Variants in SEMA4F observed in about 807,000 individuals in gnomAD.
The protein encoded by SEMA4F is semaphorin-4F.
A neutral mutation model predicts 78.4 loss-of-function variants in SEMA4F; 51 were observed. The observed-to-expected ratio is 0.65, with a 90% confidence interval of 0.52 to 0.82. The LOEUF is 0.82. Ranked by LOEUF, SEMA4F falls within the 40% of genes least tolerant of loss-of-function variation. The probability of loss-of-function intolerance (pLI) is 0.00; values close to 1 mark genes in which losing one functional copy is unlikely to be tolerated. For missense variants in SEMA4F, 938 were observed against 1,014.4 expected (o/e 0.92, Z 1.02); for synonymous variants, 418 against 408.7 (o/e 1.02, Z -0.27).
At chr2:74,662,885 GC>G in intron 5 of SEMA4F, 60 bp downstream of exon 5, 4 of 1,376,580 alleles carry the variant, frequency 2.9e-6, no homozygotes, top group Non-Finnish European at 4.2e-6. Flanking sequence ...CCCCACCCTT[GC>G]TGTTAGAATT....
chr2:74,664,641 T>G (rs1319450585), intron 5 of SEMA4F, among the ~76,000 whole-genome samples: 1 of 152,234 alleles, frequency 6.6e-6, no homozygotes, highest in African/African-American at 2.4e-5. Flanking sequence ...AATGTATTGT[T>G]GTCATTTAAA....
At chr2:74,664,946 T>C (rs1684609854) in intron 5 of SEMA4F, among the ~76,000 whole-genome samples, 1 of 152,196 alleles carries the variant, frequency 6.6e-6, no homozygotes, top group Non-Finnish European at 1.5e-5. Flanking sequence ...CTGTTAATAT[T>C]TGGCATTATT....
chr2:74,703,970 G>C, the SEMA4F span, among the ~76,000 whole-genome samples: 4 of 152,158 alleles, frequency 2.6e-5, no homozygotes, highest in African/African-American at 9.7e-5. Context: ...TGGTAGCCAG[G>C]TGTAAAGTAG....
chr2:74,664,048 ACTGT>A (rs1355055639), intron 5 of SEMA4F, among the ~76,000 whole-genome samples: 1 of 152,190 alleles, frequency 6.6e-6, no homozygotes, highest in Non-Finnish European at 1.5e-5. Flanking sequence ...CTGGAGAATG[ACTGT>A]CTAATTTATT....
downstream of SEMA4F, among the ~76,000 whole-genome samples, chr2:74,688,707 GA>G (rs1278804585): frequency 6.6e-6 from 1 of 152,160 alleles, no homozygotes; most frequent in Non-Finnish European, 1.5e-5. Context: ...CCAGTTTTGG[GA>G]AATTTACTCA....
chr2:74,673,717 A>T lies in SEMA4F; in HGVS notation c.711A>T (p.Glu237Asp). ...FVAAVALSPAEWGDEDGDDEI... is the reference protein window; with the variant it reads ...FVAAVALSPADWGDEDGDDEI... ...CAGCCGTGGCCTTGAGCCCAGCCGA[A>T]TGGGGGGATGAAGATGGAGACGACG... Residue 237 changes from glutamate (E) to aspartate (D), a missense_variant, in exon 7 of 14, where the codon GAA (glutamate) becomes GAT (aspartate). Physicochemically the swap from Glu to Asp is conservative, Grantham distance 45. Transcript: ENST00000357877. 1 of 1,614,122 alleles carries T rather than the reference A, an allele frequency of 6.2e-7. No homozygotes were observed. Among genetic ancestry groups the T allele is most frequent in the Non-Finnish European group, 8.5e-7 (1 of 1,180,016 alleles).
At chr2:74,684,610 G>A (rs10178408), downstream of SEMA4F, among the ~76,000 whole-genome samples, 1,251 of 152,280 alleles carry the variant, frequency 8.2e-3, 27 homozygotes, top group African/African-American at 0.028. Flanking sequence ...AGTTCAAGCA[G>A]ATGGAGAAGG....
intron 12 of SEMA4F, 133 bp downstream of exon 12, chr2:74,676,042 C>A: frequency 1.1e-6 from 1 of 897,064 alleles, no homozygotes. Context: ...GTCTACATCA[C>A]TCGTGTGTCC....
At chr2:74,689,468 T>G in the SEMA4F span, among the ~76,000 whole-genome samples, 5 of 152,178 alleles carry the variant, frequency 3.3e-5, no homozygotes, top group Non-Finnish European at 7.3e-5. Context: ...AACTTTAAAG[T>G]GTATATATCA....
intron 5 of SEMA4F, among the ~76,000 whole-genome samples, chr2:74,664,124 A>G (rs770389477): frequency 3.9e-5 from 6 of 152,220 alleles, no homozygotes; most frequent in Non-Finnish European, 8.8e-5. Flanking sequence ...AGACCACCCA[A>G]CATGCACCTT....
chr2:74,669,362 G>A (rs770292436), intron 5 of SEMA4F, among the ~76,000 whole-genome samples: 4 of 152,016 alleles, frequency 2.6e-5, no homozygotes, highest in Non-Finnish European at 4.4e-5. Context: ...GAGGTGGGCA[G>A]ATCATGAGGT....
At chr2:74,696,710 T>C in the SEMA4F span, among the ~76,000 whole-genome samples, 1 of 151,880 alleles carries the variant, frequency 6.6e-6, no homozygotes, top group Non-Finnish European at 1.5e-5. Context: ...CAAAAACCTA[T>C]GGAAATAAAA....
Position 74,674,531 on chromosome 2 carries a change from A to C in SEMA4F, c.856A>C (p.Arg286=), listed in dbSNP as rs752113108. 1.2e-5 allele frequency: 20 copies of C among 1,613,918 alleles called. No homozygotes were observed. The highest frequency in any genetic ancestry group is 2.5e-6 in the Non-Finnish European group (3 of 1,179,996). ...DLGGRKTLQQ[R]WTTFLKADLL... ...CGGGGGCCGGAAGACCCTCCAGCAG[A>C]GATGGACGACGTTTTTGAAAGCTGA... The change falls in exon 8 of 14, where the codon AGA becomes CGA. Residue 286 remains arginine, a synonymous_variant. Transcript: ENST00000357877.
chr2:74,705,616 T>C, the SEMA4F span, among the ~76,000 whole-genome samples: 2 of 152,254 alleles, frequency 1.3e-5, no homozygotes, highest in African/African-American at 4.8e-5. Flanking sequence ...CAGGCTAGAG[T>C]GCAGTGGCAC....
intron 5 of SEMA4F, among the ~76,000 whole-genome samples, chr2:74,671,602 A>C (rs80270422): frequency 1.3e-5 from 2 of 152,134 alleles, no homozygotes; most frequent in Non-Finnish European, 2.9e-5. Flanking sequence ...CTTTCATGTC[A>C]TGACTTAAGC....
In SEMA4F at chr2:74,658,816, C is replaced by A. The variant is rs1167468915; in HGVS notation, c.456+865C>A. ...TGGCTTCTCTTTCTGCTCTGTAGAG[C>A]AATAGGAGGGAGTATAACTGCTCCC... On this transcript the variant is annotated intron_variant, in intron 4 of 13. Coordinates refer to ENST00000357877, the MANE Select transcript of SEMA4F (RefSeq NM_004263.5). The surrounding 1 kb of genome is among the most constrained non-coding windows in gnomAD (Gnocchi z 4.3). Among the ~76,000 whole-genome samples the A allele has an allele frequency of 6.6e-6, 1 of 152,186 alleles. No individual in the cohort carries two copies. The highest frequency in any genetic ancestry group is 6.5e-5 in the Admixed American group (1 of 15,288).
downstream of SEMA4F, among the ~76,000 whole-genome samples, chr2:74,686,647 G>A (rs889756735): frequency 1.3e-5 from 2 of 152,196 alleles, no homozygotes; most frequent in Admixed American, 6.5e-5. Context: ...ATCAGTGATA[G>A]ACTGGATTAA....
At chr2:74,686,105 CTT>C (rs1252929999), downstream of SEMA4F, among the ~76,000 whole-genome samples, 3 of 143,698 alleles carry the variant, frequency 2.1e-5, no homozygotes, top group Admixed American at 6.9e-5. Flanking sequence ...CTTTTTTTTT[CTT>C]TTTTTTTTTT....
At chr2:74,689,518 G>A in the SEMA4F span, among the ~76,000 whole-genome samples, 2 of 152,036 alleles carry the variant, frequency 1.3e-5, no homozygotes, top group Non-Finnish European at 2.9e-5. Flanking sequence ...TTATTTTAAG[G>A]AAATAGCAGT....
Sources: gnomAD v4.1 joint callset for allele counts (sites outside exome capture counted in the v4.1 genomes callset) on GRCh38, gnomAD v4.1.1 for gene constraint, Gnocchi (gnomAD v3.1) non-coding constraint, MANE v1.5 for transcripts, NCBI Gene and HGNC (gene_info 2026-07-23, HGNC 2026-07-21) for gene names.